Variants in EDIL3 observed in about 807,000 individuals in gnomAD.
EDIL3 encodes EGF-like repeat and discoidin I-like domain-containing protein 3.
Under a neutral mutation model 67.4 loss-of-function variants are expected in EDIL3, and 37 were observed. That is an observed-to-expected ratio of 0.55 (90% CI 0.42 to 0.72). The LOEUF is 0.72. EDIL3 is among the 30% of genes least tolerant of loss of function. EDIL3 has a pLI of 0.00. For synonymous variants in EDIL3, 195 were observed against 196.3 expected (o/e 0.99, Z 0.05); for missense variants, 527 against 586.3 (o/e 0.90, Z 1.04).
At chr5:83,985,731 A>C (rs1559065) in intron 9 of EDIL3, among the ~76,000 whole-genome samples, 17,596 of 151,896 alleles carry the variant, frequency 0.12, 1,830 homozygotes, top group African/African-American at 0.28. Context: ...ACTAGGTAAA[A>C]TTATTTTTAA....
intron 9 of EDIL3, among the ~76,000 whole-genome samples, chr5:84,016,177 C>T (rs895760879): frequency 6.6e-6 from 1 of 152,112 alleles, no homozygotes; most frequent in Non-Finnish European, 1.5e-5. Flanking sequence ...TTCTTCTATA[C>T]CTTTGTCATG....
intron 4 of EDIL3, among the ~76,000 whole-genome samples, chr5:84,162,287 A>G (rs1748627907): frequency 6.6e-6 from 1 of 152,130 alleles, no homozygotes; most frequent in South Asian, 2.1e-4. Flanking sequence ...TCCAGAAGAA[A>G]GCCAGAGCAA....
At chr5:83,965,754 C>T (rs1243677718) in intron 9 of EDIL3, among the ~76,000 whole-genome samples, 3 of 151,914 alleles carry the variant, frequency 2.0e-5, no homozygotes, top group African/African-American at 7.3e-5. Context: ...AACGGCTCCC[C>T]TTCTGCAACA....
intron 1 of EDIL3, among the ~76,000 whole-genome samples, chr5:84,311,995 A>T (rs1746399392): frequency 1.3e-5 from 2 of 152,114 alleles, no homozygotes; most frequent in South Asian, 2.1e-4. Context: ...CGATTTCTCA[A>T]TCCTTTCCCC....
chr5:84,160,073 A>G (rs951137395), intron 4 of EDIL3, among the ~76,000 whole-genome samples: 3 of 152,150 alleles, frequency 2.0e-5, no homozygotes, highest in Admixed American at 1.3e-4. Flanking sequence ...TAGATAACAT[A>G]ATAGTCACAT....
At chr5:84,215,509 C>T (rs1744211031) in intron 3 of EDIL3, among the ~76,000 whole-genome samples, 1 of 152,094 alleles carries the variant, frequency 6.6e-6, no homozygotes, top group Admixed American at 6.5e-5. Flanking sequence ...TCCTGGGCCT[C>T]CCAAAGTGCT....
At chr5:84,289,342 C>T (rs949418091) in intron 1 of EDIL3, among the ~76,000 whole-genome samples, 1 of 152,142 alleles carries the variant, frequency 6.6e-6, no homozygotes, top group Non-Finnish European at 1.5e-5. Flanking sequence ...ATCAGGGTAA[C>T]AAAGAGCTGC....
At chr5:84,271,134 A>G (rs1050311542) in intron 1 of EDIL3, among the ~76,000 whole-genome samples, 1 of 152,232 alleles carries the variant, frequency 6.6e-6, no homozygotes, top group African/African-American at 2.4e-5. Context: ...ATTTGAAAAT[A>G]CCACATTATT....
intron 3 of EDIL3, chr5:84,197,106 TA>T (rs1743726947): frequency 6.6e-6 from 1 of 152,026 alleles, no homozygotes; most frequent in South Asian, 2.1e-4. Flanking sequence ...CAACATTAAG[TA>T]CATGCCATGT....
intron 3 of EDIL3, among the ~76,000 whole-genome samples, chr5:84,197,371 G>C (rs1035166165): frequency 6.6e-6 from 1 of 151,946 alleles, no homozygotes; most frequent in African/African-American, 2.4e-5. Context: ...GAAGTTGGCT[G>C]TTTAGGAAGG....
At chr5:84,192,933 C>T (rs1743622806) in intron 3 of EDIL3, among the ~76,000 whole-genome samples, 3 of 151,776 alleles carry the variant, frequency 2.0e-5, no homozygotes, top group African/African-American at 7.3e-5. Flanking sequence ...AACCAAGTAA[C>T]AGCTAAGGTA....
intron 2 of EDIL3, 39 bp downstream of exon 2, chr5:84,254,044 TA>T: frequency 6.5e-7 from 1 of 1,540,236 alleles, no homozygotes; most frequent in Non-Finnish European, 8.8e-7. Context: ...TTCATGGAAA[TA>T]AAAAGATAAC....
chr5:84,032,846 C>CA (rs1355212159), intron 9 of EDIL3, among the ~76,000 whole-genome samples: 1 of 152,148 alleles, frequency 6.6e-6, no homozygotes, highest in East Asian at 1.9e-4. Context: ...TTTCTCCCAT[C>CA]AAAAATAAAA....
intron 3 of EDIL3, among the ~76,000 whole-genome samples, chr5:84,229,023 C>A (rs1466780220): frequency 2.0e-5 from 3 of 152,170 alleles, no homozygotes; most frequent in Admixed American, 6.6e-5. Context: ...TCTCTTCAGA[C>A]CAACCACTAA....
chr5:84,148,817 C>A (rs771783755), intron 4 of EDIL3, among the ~76,000 whole-genome samples: 131 of 151,988 alleles, frequency 8.6e-4, no homozygotes, highest in Non-Finnish European at 1.1e-3. Context: ...ATATTTTTAT[C>A]CCATATTTAT....
At chr5:83,973,051 A>G (rs1162356833) in intron 9 of EDIL3, among the ~76,000 whole-genome samples, 1 of 152,110 alleles carries the variant, frequency 6.6e-6, no homozygotes, top group African/African-American at 2.4e-5. Flanking sequence ...GGAAAGTTTT[A>G]GGAAAAAGAA....
chr5:84,324,073 T>C (rs1196520655), intron 1 of EDIL3, among the ~76,000 whole-genome samples: 1 of 151,770 alleles, frequency 6.6e-6, no homozygotes, highest in Non-Finnish European at 1.5e-5. Flanking sequence ...CTAACAGACA[T>C]ATACAGAACA....
At chr5:84,126,659 C>T (rs1242811714) in intron 5 of EDIL3, among the ~76,000 whole-genome samples, 1 of 151,942 alleles carries the variant, frequency 6.6e-6, no homozygotes, top group Non-Finnish European at 1.5e-5. Context: ...TGGTTGTTGC[C>T]TATATTTGTA....
intron 9 of EDIL3, among the ~76,000 whole-genome samples, chr5:84,050,911 A>C (rs1255211780): frequency 1.3e-5 from 2 of 152,230 alleles, no homozygotes; most frequent in African/African-American, 4.8e-5. Context: ...AACAAAAGGC[A>C]GTAGAAACCT....
Sources: allele counts gnomAD v4.1 joint callset (sites outside exome capture counted in the v4.1 genomes callset), GRCh38; gene constraint gnomAD v4.1.1; transcripts MANE v1.5; gene names NCBI Gene and HGNC (gene_info 2026-07-23, HGNC 2026-07-21).